PRTG: variants seen among roughly 807,000 people sequenced by gnomAD.
PRTG encodes the protein immunoglobulin superfamily, DCC subclass, member 5.
A neutral mutation model predicts 122.5 loss-of-function variants in PRTG; 67 were observed. The observed-to-expected ratio is 0.55, with a 90% confidence interval of 0.45 to 0.67. PRTG has a LOEUF of 0.67. Ranked by LOEUF, PRTG falls within the 30% of genes least tolerant of loss-of-function variation. The pLI is 0.00. For missense variants in PRTG, 1,435 were observed against 1,415.4 expected (o/e 1.01, Z -0.22); for synonymous variants, 554 against 501.1 (o/e 1.11, Z -1.41).
In PRTG at chr15:55,740,562, A is replaced by T. The variant is rs1240040679; in HGVS notation, c.217T>A (p.Leu73Met). 3 of 1,613,980 alleles carry T rather than the reference A, an allele frequency of 1.9e-6. No homozygotes were observed. The African/African-American group carries it at 4.0e-5, about 22-fold the overall frequency. Residue 73 changes from leucine to methionine, a missense_variant, in exon 2 of 20, where the codon TTG (leucine) becomes ATG (methionine). Leu to Met is a conservative substitution (Grantham distance 15, BLOSUM62 2). Transcript: ENST00000389286. ...TCAGACATTTTTGCTCCATTTTTCA[A>T]CCATGTGACCTTAATAGGAACTTCT... ...HGEVPIKVTW[L>M]KNGAKMSENK...
At chr15:55,672,679 C>T in intron 10 of PRTG, 46 bp from the exon 11 acceptor site, 1 of 1,416,092 alleles carries the variant, frequency 7.1e-7, no homozygotes, top group Non-Finnish European at 9.7e-7. Context: ...ACCCAATATC[C>T]ACATAAAGAC....
At chr15:55,664,539 T>C (rs1016702635) in intron 11 of PRTG, among the ~76,000 whole-genome samples, 2 of 152,222 alleles carry the variant, frequency 1.3e-5, no homozygotes, top group African/African-American at 4.8e-5. Context: ...TAGCTTTATA[T>C]AGTCATACAT....
intron 11 of PRTG, among the ~76,000 whole-genome samples, chr15:55,666,891 A>G (rs1218908226): frequency 6.6e-6 from 1 of 152,206 alleles, no homozygotes; most frequent in Non-Finnish European, 1.5e-5. Flanking sequence ...GATTAGGTGA[A>G]CAGCTAGGAT....
Position 55,722,153 on chromosome 15 carries a change from G to A in PRTG, c.397+18229C>T, listed in dbSNP as rs187110430. On this transcript the variant is annotated intron_variant, in intron 2 of 19. Transcript: ENST00000389286. ...TTAACAGCTGGGAATCTAGGTGAAA[G>A]GTATTTAAGTGTTCATTATATTCCT... is the stretch of plus-strand genomic sequence containing the variant. Among the ~76,000 whole-genome samples the A allele has an allele frequency of 4.3e-3, 660 of 152,188 alleles. 9 individuals carry two copies. Among genetic ancestry groups the A allele is most frequent in the African/African-American group, 0.015 (641 of 41,516 alleles).
intron 2 of PRTG, among the ~76,000 whole-genome samples, chr15:55,715,199 A>G (rs2030554914): frequency 1.3e-5 from 2 of 152,226 alleles, no homozygotes; most frequent in Admixed American, 1.3e-4. Flanking sequence ...CAAAGACCTC[A>G]GTGCCAAAGC....
At chr15:55,652,856 T>A (rs1332360069) in intron 11 of PRTG, among the ~76,000 whole-genome samples, 3 of 152,068 alleles carry the variant, frequency 2.0e-5, no homozygotes, top group African/African-American at 7.2e-5. Context: ...TAAGACAGAA[T>A]TCTTTGTCTC....
At position 55,708,148 on chromosome 15, in the gene PRTG, T is replaced by TAAAAAAAAAAAAAAAA. The variant is rs35216342; in HGVS notation, c.398-24233_398-24218dup. ...CCTGTGGAAAGGAGGAGTAAGCTGG[T>TAAAAAAAAAAAAAAAA]AAAAAAAAAAAAAAAAAAAAAAAAA... On this transcript the variant is annotated intron_variant, in intron 2 of 19. Transcript: ENST00000389286. Among the ~76,000 whole-genome samples the TAAAAAAAAAAAAAAAA allele has an allele frequency of 1.4e-4, 10 of 70,034 alleles. 1 individual carries two copies. The highest frequency in any genetic ancestry group is 2.5e-4 in the African/African-American group (4 of 16,016). The allele number at this position is 70,034 out of a possible 152,430, so 45.9% of individuals were successfully genotyped here.
chr15:55,649,836 T>A (rs1191600736), intron 11 of PRTG, among the ~76,000 whole-genome samples: 2 of 151,724 alleles, frequency 1.3e-5, no homozygotes, highest in African/African-American at 2.4e-5. Context: ...TAAATAGTAA[T>A]AATATAATTG....
chr15:55,705,346 A>T (rs3985768), intron 2 of PRTG, among the ~76,000 whole-genome samples: 54,173 of 152,110 alleles, frequency 0.36, 12,429 homozygotes, highest in Non-Finnish European at 0.51. Context: ...AAACTTTCCT[A>T]GAAGTAGCAG....
chr15:55,738,021 TATATAC>T (rs756773349), intron 2 of PRTG, among the ~76,000 whole-genome samples: 14,513 of 98,312 alleles, frequency 0.15, 1,149 homozygotes, highest in Non-Finnish European at 0.22. Flanking sequence ...TATATATATA[TATATAC>T]ACACACACAC....
chr15:55,699,621 T>A (rs2059651034), intron 2 of PRTG, among the ~76,000 whole-genome samples: 1 of 152,184 alleles, frequency 6.6e-6, no homozygotes, highest in Admixed American at 6.6e-5. Context: ...CATAAGGAGG[T>A]AATGACATAT....
chr15:55,731,649 G>A (rs2031238238), intron 2 of PRTG, among the ~76,000 whole-genome samples: 1 of 152,120 alleles, frequency 6.6e-6, no homozygotes, highest in Non-Finnish European at 1.5e-5. Context: ...GATTACAGGC[G>A]TGAGCCACCA....
chr15:55,626,579 T>A (rs2141715440), intron 17 of PRTG, among the ~76,000 whole-genome samples: 1 of 141,598 alleles, frequency 7.1e-6, no homozygotes, highest in Non-Finnish European at 1.5e-5. Context: ...TGAAACCCCA[T>A]CTCTACTAAA....
intron 2 of PRTG, among the ~76,000 whole-genome samples, chr15:55,707,729 G>C (rs1317664737): frequency 6.6e-6 from 1 of 152,176 alleles, no homozygotes; most frequent in Non-Finnish European, 1.5e-5. Context: ...GAGGTTAACT[G>C]ATAGAATCTG....
intron 11 of PRTG, chr15:55,656,417 T>C: frequency 2.3e-6 from 1 of 435,332 alleles, no homozygotes; most frequent in South Asian, 1.7e-5. Context: ...GGGTACTTTA[T>C]AAAGGAAAAT....
Position 55,680,081 on chromosome 15 carries a change from C to A in PRTG, c.946G>T (p.Val316Phe). 1 of 1,613,742 alleles carries A rather than the reference C, an allele frequency of 6.2e-7. No homozygotes were observed. Among genetic ancestry groups the A allele is most frequent in the Non-Finnish European group, 8.5e-7 (1 of 1,179,766 alleles). The change falls in exon 6 of 20, where the codon GTT becomes TTT. Residue 316 changes from valine (V) to phenylalanine (F), a missense_variant. Transcript: ENST00000389286. ...AATACAGTTAAAGTTGCCATAGCAACTGTAAAGTTGCGTGTGCCAGGGGTA... is the reference window on the plus strand; with the variant it reads ...AATACAGTTAAAGTTGCCATAGCAAATGTAAAGTTGCGTGTGCCAGGGGTA... ...ATTPGTRNFT[V>F]AMATLTVLAP...
intron 11 of PRTG, among the ~76,000 whole-genome samples, chr15:55,662,223 G>C (rs2059414148): frequency 6.6e-6 from 1 of 152,190 alleles, no homozygotes; most frequent in Non-Finnish European, 1.5e-5. Flanking sequence ...TCATAGGGTG[G>C]CATTAATACA....
At chr15:55,661,458 G>C (rs2059409069) in intron 11 of PRTG, among the ~76,000 whole-genome samples, 1 of 152,120 alleles carries the variant, frequency 6.6e-6, no homozygotes, top group Admixed American at 6.6e-5. Flanking sequence ...ACTTTATTTA[G>C]GGTTCTTTTC....
chr15:55,737,325 A>C (rs2141893030), intron 2 of PRTG, among the ~76,000 whole-genome samples: 1 of 152,326 alleles, frequency 6.6e-6, no homozygotes, highest in Non-Finnish European at 1.5e-5. Context: ...TATTACTTTA[A>C]CCCTATACTT....
Sources: gnomAD v4.1 joint callset for allele counts (sites outside exome capture counted in the v4.1 genomes callset) on GRCh38, gnomAD v4.1.1 for gene constraint, MANE v1.5 for transcripts, NCBI Gene and HGNC (gene_info 2026-07-23, HGNC 2026-07-21) for gene names.